Variants in TRAPPC6B observed in about 807,000 individuals in gnomAD.
TRAPPC6B encodes the protein TRAPP complex subunit 6B.
A neutral mutation model predicts 24.7 loss-of-function variants in TRAPPC6B; 27 were observed. The ratio of observed to expected loss-of-function variants is 1.09; its 90% CI spans 0.81 to 1.51. The LOEUF (loss-of-function observed/expected upper bound fraction) is 1.51. TRAPPC6B is among the 40% of genes most tolerant of loss of function. The pLI is 0.00. For synonymous variants in TRAPPC6B, 80 were observed against 66.6 expected, an observed-to-expected ratio of 1.20 and a Z score of -0.98; for missense variants, 212 against 190.8, an observed-to-expected ratio of 1.11 and a Z score of -0.66.
intron 4 of TRAPPC6B, among the ~76,000 whole-genome samples, chr14:39,152,091 CAG>C (rs2052922568): frequency 6.6e-6 from 1 of 152,200 alleles, no homozygotes; most frequent in Admixed American, 6.5e-5. Context: ...AATCTAGACT[CAG>C]TGACAAAAAC....
intron 3 of TRAPPC6B, among the ~76,000 whole-genome samples, chr14:39,156,464 C>T (rs1223018233): frequency 2.0e-5 from 3 of 152,102 alleles, no homozygotes; most frequent in Non-Finnish European, 4.4e-5. Context: ...AGTGGTGGTG[C>T]ATGCCTATAA....
Position 39,170,049 on chromosome 14 carries a change from G to A in TRAPPC6B, c.47C>T (p.Ser16Phe), listed in dbSNP as rs752061285. 1 of 1,614,166 alleles carries A rather than the reference G, an allele frequency of 6.2e-7. No homozygotes were observed. Among genetic ancestry groups the A allele is most frequent in the East Asian group, 2.2e-5 (1 of 44,874 alleles). Residue 16 changes from serine (S) to phenylalanine (F), a missense_variant, in exon 1 of 6, where the codon TCT becomes TTT. Physicochemically the swap from Ser to Phe is radical, Grantham distance 155. Transcript: ENST00000330149. Reference protein sequence around the residue: ...LFLLLHNEMVSGVYKSAEQGE... With the variant: ...LFLLLHNEMVFGVYKSAEQGE... ...CTGCTCCGCGGACTTGTACACTCCA[G>A]ACACCATCTCGTTATGGAGAAGCAA... is the stretch of plus-strand genomic sequence containing the variant.
intron 1 of TRAPPC6B, among the ~76,000 whole-genome samples, chr14:39,166,945 C>T (rs925011833): frequency 3.3e-5 from 5 of 152,166 alleles, no homozygotes; most frequent in African/African-American, 1.2e-4. Context: ...AAACTCTGCT[C>T]TCCCATTTAG....
intron 1 of TRAPPC6B, among the ~76,000 whole-genome samples, chr14:39,166,815 C>T (rs1470848771): frequency 6.9e-6 from 1 of 145,692 alleles, no homozygotes; most frequent in Non-Finnish European, 1.5e-5. Flanking sequence ...CTGGCCCCCA[C>T]CTCTGTAACT....
chr14:39,166,262 AAAAAAAAC>A (rs1303248559), intron 1 of TRAPPC6B, among the ~76,000 whole-genome samples: 4 of 121,756 alleles, frequency 3.3e-5, no homozygotes, highest in Admixed American at 1.8e-4. Context: ...TCTTAAAAAA[AAAAAAAAC>A]AAAAAAACAA....
intron 4 of TRAPPC6B, 78 bp downstream of exon 4, chr14:39,154,133 G>C: frequency 1.2e-6 from 1 of 847,844 alleles, no homozygotes; most frequent in Admixed American, 2.5e-5. Flanking sequence ...TAATTCAATA[G>C]TTTGTTATGA....
chr14:39,148,390 G>C lies in TRAPPC6B; in HGVS notation c.*1960C>G, dbSNP rs1170062390. On this transcript the variant is annotated 3_prime_UTR_variant, in exon 6 of 6. Transcript: ENST00000330149. Reference sequence around the variant, plus strand: ...ATCTAATCAACACTCACCCTCTCTAGGCTAGGGAAGCACCCTATTCTATAG... The same window carrying C: ...ATCTAATCAACACTCACCCTCTCTACGCTAGGGAAGCACCCTATTCTATAG... 5 of 321,406 alleles carry C rather than the reference G, an allele frequency of 1.6e-5. No individual in the cohort carries two copies. The highest frequency in any genetic ancestry group is 4.2e-5 in the African/African-American group (2 of 47,214). The allele number at this position is 321,406 out of a possible 1,614,324, so 19.9% of individuals were successfully genotyped here.
intron 4 of TRAPPC6B, among the ~76,000 whole-genome samples, chr14:39,153,490 C>T (rs2139377787): frequency 6.6e-6 from 1 of 151,884 alleles, no homozygotes; most frequent in Non-Finnish European, 1.5e-5. Context: ...ATTAGCCAGG[C>T]ATGGTGGCCC....
At position 39,151,872 on chromosome 14, in the gene TRAPPC6B, G is replaced by A. The variant is rs577228731; in HGVS notation, c.352-33C>T. 10 of 1,401,050 alleles carry A rather than the reference G, an allele frequency of 7.1e-6. No homozygotes were observed. In the East Asian group the frequency reaches 2.1e-4, roughly 29 times the overall value. 86.8% of individuals were successfully genotyped at this position (1,401,050 alleles called of 1,614,324 possible). A position where few individuals can be genotyped will look rare whatever the true frequency, so the allele number is the denominator to read the frequency against. On this transcript the variant is annotated intron_variant, in intron 4 of 5. Transcript: ENST00000330149. ...GAAAAAAAATCATTAAAAATAGTAA[G>A]GATTTACTAAAATAGTAAAGCTATT...
Position 39,148,735 on chromosome 14 carries a change from T to C in TRAPPC6B, c.*1615A>G, listed in dbSNP as rs542487627. On this transcript the variant is annotated 3_prime_UTR_variant, in exon 6 of 6. Transcript: ENST00000330149. Reference sequence around the variant, plus strand: ...AAATTAAAATTTTTTCCCCAAAACATGTGAGAATTAGGATTGCAGTCATGC... The same window carrying C: ...AAATTAAAATTTTTTCCCCAAAACACGTGAGAATTAGGATTGCAGTCATGC... The C allele has an allele frequency of 1.3e-5, 5 of 398,408 alleles. No individual in the cohort carries two copies. Among genetic ancestry groups the C allele is most frequent in the African/African-American group, 8.2e-5 (4 of 48,740 alleles). The allele number at this position is 398,408 out of a possible 1,614,324, so 24.7% of individuals were successfully genotyped here.
At chr14:39,159,350 T>C (rs1343373616) in intron 2 of TRAPPC6B, 133 bp downstream of exon 2, 2 of 505,456 alleles carry the variant, frequency 4.0e-6, no homozygotes, top group South Asian at 7.0e-5. Flanking sequence ...AAAGAAATTT[T>C]AATTTTTGAA....
intron 3 of TRAPPC6B, among the ~76,000 whole-genome samples, chr14:39,155,121 G>A (rs2052961066): frequency 6.6e-6 from 1 of 151,868 alleles, no homozygotes; most frequent in African/African-American, 2.4e-5. Flanking sequence ...GTAGAAAGGG[G>A]GTCTCCCTAT....
In TRAPPC6B at chr14:39,150,397, CA is replaced by C; in HGVS notation, c.446-17del. On this transcript the variant is annotated splice_polypyrimidine_tract_variant and intron_variant, in intron 5 of 5. Coordinates refer to ENST00000330149, the MANE Select transcript of TRAPPC6B (RefSeq NM_001079537.2). ...TGAAATTTGCCTAAAAAAAAAAATA[CA>C]AATAATTCTTTGATTTTAGATACAA... 2 of 1,502,380 alleles carry C rather than the reference CA, an allele frequency of 1.3e-6. No homozygotes were observed. Among genetic ancestry groups the C allele is most frequent in the Non-Finnish European group, 1.8e-6 (2 of 1,105,230 alleles). The allele number at this position is 1,502,380 out of a possible 1,614,324, so 93.1% of individuals were successfully genotyped here.
chr14:39,167,422 GAC>G (rs138664485), intron 1 of TRAPPC6B, among the ~76,000 whole-genome samples: 7,389 of 151,598 alleles, frequency 0.049, 625 homozygotes, highest in African/African-American at 0.17. Context: ...CAAAAAAAAA[GAC>G]ACATAATCCT....
Position 39,149,603 on chromosome 14 carries a change from G to C in TRAPPC6B, c.*747C>G, listed in dbSNP as rs1197311692. 6.6e-6 allele frequency: 1 copy of C among 152,186 alleles called. No homozygotes were observed. Among genetic ancestry groups the C allele is most frequent in the Non-Finnish European group, 1.5e-5 (1 of 68,020 alleles). The allele number at this position is 152,186 out of a possible 1,614,324, so 9.4% of individuals were successfully genotyped here. A position where few individuals can be genotyped will look rare whatever the true frequency, so the allele number is the denominator to read the frequency against. On this transcript the variant is annotated 3_prime_UTR_variant, in exon 6 of 6. Transcript: ENST00000330149. Reference sequence around the variant, plus strand: ...AGGAAAGAAGGGAATAAAGATGTTAGATCCTTTACCAGGACTTCCATGCAC... The same window carrying C: ...AGGAAAGAAGGGAATAAAGATGTTACATCCTTTACCAGGACTTCCATGCAC...
chr14:39,155,516 T>C (rs567087196), intron 3 of TRAPPC6B, among the ~76,000 whole-genome samples: 47 of 150,662 alleles, frequency 3.1e-4, no homozygotes, highest in African/African-American at 9.0e-4. Context: ...GCTGGGATTA[T>C]AGGCGTGAGC....
intron 5 of TRAPPC6B, among the ~76,000 whole-genome samples, chr14:39,150,958 A>G (rs190709099): frequency 7.0e-4 from 106 of 152,336 alleles, no homozygotes; most frequent in African/African-American, 2.4e-3. Context: ...AATTGAAAAG[A>G]AATACAATAA....
At chr14:39,164,149 C>A (rs188968966) in intron 1 of TRAPPC6B, among the ~76,000 whole-genome samples, 1 of 152,086 alleles carries the variant, frequency 6.6e-6, no homozygotes, top group South Asian at 2.1e-4. Flanking sequence ...TTTGTGTCAT[C>A]TTCTATATTT....
chr14:39,151,971 C>CA lies in TRAPPC6B; in HGVS notation c.352-133dup, dbSNP rs2052920625. The CA allele has an allele frequency of 6.4e-6, 4 of 626,204 alleles. No individual in the cohort carries two copies. The South Asian group carries it at 9.5e-5, about 15-fold the overall frequency. The allele number at this position is 626,204 out of a possible 1,614,324, so 38.8% of individuals were successfully genotyped here. A position where few individuals can be genotyped will look rare whatever the true frequency, so the allele number is the denominator to read the frequency against. ...AAAAAAAGGATTTTGAAGAACTGTT[C>CA]AAATTACTGAAAAATATTGATATAT... On this transcript the variant is annotated intron_variant, in intron 4 of 5. Coordinates refer to ENST00000330149, the MANE Select transcript of TRAPPC6B (RefSeq NM_001079537.2).
Sources: gnomAD v4.1 joint callset for allele counts (sites outside exome capture counted in the v4.1 genomes callset) on GRCh38, gnomAD v4.1.1 for gene constraint, MANE v1.5 for transcripts, NCBI Gene and HGNC (gene_info 2026-07-23, HGNC 2026-07-21) for gene names.